TRRAP: variants seen among roughly 807,000 people sequenced by gnomAD.
The protein encoded by TRRAP is transformation/transcription domain associated protein, also known as transformation/transcription domain-associated protein.
TRRAP carries 41 observed loss-of-function variants against 438.8 expected under a neutral mutation model. That is an observed-to-expected ratio of 0.09 (90% CI 0.07 to 0.12). The LOEUF (loss-of-function observed/expected upper bound fraction) is 0.12, where lower values mean the gene tolerates loss of function less well. Among genes scored for constraint, TRRAP ranks in the 10% least tolerant of loss-of-function variants. The pLI, the probability that TRRAP is intolerant of heterozygous loss-of-function variation, is 1.00. For synonymous variants in TRRAP, 1,994 were observed against 1,962.9 expected, an observed-to-expected ratio of 1.02 and a Z score of -0.42; for missense variants, 3,122 against 5,055.1, an observed-to-expected ratio of 0.62 and a Z score of 11.60.
intron 63 of TRRAP, among the ~76,000 whole-genome samples, chr7:98,989,664 C>G (rs570990926): frequency 1.6e-4 from 25 of 152,242 alleles, no homozygotes; most frequent in Non-Finnish European, 3.2e-4. Context: ...GACAGCTACA[C>G]GCACTGCTTC....
At chr7:98,911,003 C>G (rs1584299792) in intron 16 of TRRAP, 74 bp from the exon 17 acceptor site, 4 of 1,329,500 alleles carry the variant, frequency 3.0e-6, no homozygotes, top group Middle Eastern at 2.1e-4. Flanking sequence ...TGCAGCTGAT[C>G]TGGTTACATA....
Position 98,985,042 on chromosome 7 carries a change from C to T in TRRAP, c.9387C>T (p.Asn3129=). The change falls in exon 62 of 73, where the codon AAC becomes AAT. Residue 3129 remains asparagine (N), a splice_region_variant and synonymous_variant. Coordinates refer to ENST00000456197, the MANE Select transcript of TRRAP (RefSeq NM_001375524.1). ...ALKGMFLAQI[N]KSEEANKAFS... ...AGGGAATGTTCTTGGCTCAGATCAA[C>T]AAGTATGTATGTTATATTGAAAGGA... The T allele has an allele frequency of 6.2e-7, 1 of 1,600,890 alleles. No individual in the cohort carries two copies.
intron 47 of TRRAP, among the ~76,000 whole-genome samples, chr7:98,963,259 C>T (rs1792000241): frequency 6.6e-6 from 1 of 152,164 alleles, no homozygotes; most frequent in African/African-American, 2.4e-5. Flanking sequence ...ATTTGGTTAA[C>T]ATGGTGTCCC....
At chr7:98,983,649 A>T (rs147568537) in intron 60 of TRRAP, among the ~76,000 whole-genome samples, 190 bp downstream of exon 60, 1 of 151,962 alleles carries the variant, frequency 6.6e-6, no homozygotes, top group Non-Finnish European at 1.5e-5. Context: ...AGAAGAAGTA[A>T]AGTTTTGTTT....
intron 41 of TRRAP, 72 bp downstream of exon 41, chr7:98,955,376 G>A (rs1791552322): frequency 4.1e-6 from 6 of 1,450,426 alleles, no homozygotes; most frequent in Middle Eastern, 2.4e-4. Flanking sequence ...ACCTTGTCTT[G>A]TTCTGCAATA....
At chr7:98,979,492 T>G (rs570263570) in intron 58 of TRRAP, among the ~76,000 whole-genome samples, 80 of 152,174 alleles carry the variant, frequency 5.3e-4, no homozygotes, top group African/African-American at 1.6e-3. Flanking sequence ...ACAGATGCAG[T>G]TTTTTTTCCC....
rs947788294 is a variant in TRRAP, at chr7:98,881,959, G to A, written c.101-16G>A. 50 of 1,604,910 alleles carry A rather than the reference G, an allele frequency of 3.1e-5. No individual in the cohort carries two copies. Among genetic ancestry groups the A allele is most frequent in the Non-Finnish European group, 4.2e-5 (49 of 1,177,740 alleles). On this transcript the variant is annotated splice_polypyrimidine_tract_variant and intron_variant, in intron 2 of 72. Coordinates refer to ENST00000456197, the MANE Select transcript of TRRAP (RefSeq NM_001375524.1). The stretch of plus-strand genomic sequence containing the variant: ...ACATAATTTCAATTACCTGATGCTT[G>A]TTTTGCCGTTCACAGCTGATGAAAC...
intron 1 of TRRAP, among the ~76,000 whole-genome samples, chr7:98,880,655 A>G (rs1176445385): frequency 1.3e-5 from 2 of 152,148 alleles, no homozygotes; most frequent in African/African-American, 4.8e-5. Flanking sequence ...GGTAAATGAG[A>G]GTTATATGAA....
chr7:98,917,356 T>G (rs1229813121), intron 19 of TRRAP, 67 bp from the exon 20 acceptor site: 35 of 1,569,632 alleles, frequency 2.2e-5, no homozygotes, highest in Non-Finnish European at 3.0e-5. Flanking sequence ...AGTTCTTTTG[T>G]GTGTTTCACC....
intron 61 of TRRAP, among the ~76,000 whole-genome samples, chr7:98,984,587 T>G (rs890781735): frequency 9.2e-5 from 14 of 152,192 alleles, no homozygotes; most frequent in African/African-American, 2.9e-4. Context: ...TATACTTAGT[T>G]AATGTGTTTA....
chr7:98,999,259 A>C (rs757502715), intron 67 of TRRAP: 117 of 1,182,604 alleles, frequency 9.9e-5, no homozygotes, highest in Non-Finnish European at 1.4e-4. Flanking sequence ...AGCTTCTCGC[A>C]GAAACAGATG....
chr7:98,961,864 G>C (rs1170998605), intron 46 of TRRAP, among the ~76,000 whole-genome samples: 1 of 152,202 alleles, frequency 6.6e-6, no homozygotes, highest in Non-Finnish European at 1.5e-5. Flanking sequence ...AGGTTGCGGT[G>C]AGCCGAGATC....
At chr7:98,954,040 C>T (rs188124190) in intron 40 of TRRAP, among the ~76,000 whole-genome samples, 6 of 152,328 alleles carry the variant, frequency 3.9e-5, no homozygotes, top group African/African-American at 9.6e-5. Flanking sequence ...ATTCAAGGGC[C>T]CCAGCCCACT....
At chr7:98,910,631 G>C (rs1007955489) in intron 16 of TRRAP, 24 bp downstream of exon 16, 51 of 1,588,958 alleles carry the variant, frequency 3.2e-5, no homozygotes, top group Non-Finnish European at 4.3e-5. Flanking sequence ...CTCCAGCCAG[G>C]CTTTCGCATA....
intron 67 of TRRAP, among the ~76,000 whole-genome samples, chr7:99,002,883 T>C (rs1006209474): frequency 5.3e-5 from 8 of 152,250 alleles, no homozygotes; most frequent in Admixed American, 1.3e-4. Flanking sequence ...CTGGGTGTTA[T>C]GCCCAGCGCC....
chr7:98,910,724 G>C (rs1789212901), intron 16 of TRRAP, 117 bp downstream of exon 16: 1 of 823,334 alleles, frequency 1.2e-6, no homozygotes, highest in Non-Finnish European at 1.9e-6. Context: ...CACAGTATTT[G>C]TATACCCAGA....
Position 99,009,852 on chromosome 7 carries a change from G to GTTAT in TRRAP, c.10939-1194_10939-1191dup, listed in dbSNP as rs1476040194. ...GCCGCTTCCTCCTCTTGTTTATTTT[G>GTTAT]TTATTTATTCTACTCCTTCATTCTT... On this transcript the variant is annotated intron_variant, in intron 70 of 72. Coordinates refer to ENST00000456197, the MANE Select transcript of TRRAP (RefSeq NM_001375524.1). Among the ~76,000 whole-genome samples, 23 of 107,962 alleles carry GTTAT rather than the reference G, an allele frequency of 2.1e-4. No homozygotes were observed. The East Asian group carries it at 5.7e-3, about 27-fold the overall frequency. 70.8% of individuals were successfully genotyped at this position (107,962 alleles called of 152,430 possible). A position where few individuals can be genotyped will look rare whatever the true frequency, so the allele number is the denominator to read the frequency against.
At chr7:98,921,718 T>C (rs751915347) in intron 20 of TRRAP, 35 bp from the exon 21 acceptor site, 14 of 1,612,636 alleles carry the variant, frequency 8.7e-6, no homozygotes, top group Admixed American at 1.7e-5. Flanking sequence ...GGCATTACCT[T>C]AAGAGGACCT....
intron 51 of TRRAP, among the ~76,000 whole-genome samples, chr7:98,969,702 C>T (rs1792322761): frequency 9.0e-6 from 1 of 110,796 alleles, no homozygotes. Context: ...GCAACTCACA[C>T]GGGGAAGCCT....
Sources: allele counts gnomAD v4.1 joint callset (sites outside exome capture counted in the v4.1 genomes callset), GRCh38; gene constraint gnomAD v4.1.1; transcripts MANE v1.5; gene names NCBI Gene and HGNC (gene_info 2026-07-23, HGNC 2026-07-21).